The following ITPR2 variants were observed in gnomAD, a reference collection of about 807,000 sequenced individuals.
ITPR2 encodes inositol 1,4,5-trisphosphate receptor type 2.
In ITPR2, 207 loss-of-function variants were observed where a neutral mutation model predicts 317.1. The observed-to-expected ratio is 0.65, with a 90% CI of 0.58 to 0.73. The LOEUF (loss-of-function observed/expected upper bound fraction) is 0.73, where lower values mean the gene tolerates loss of function less well. Ranked by LOEUF, ITPR2 falls within the 30% of genes least tolerant of loss-of-function variation. The probability of loss-of-function intolerance (pLI) is 0.00; values close to 1 mark genes in which losing one functional copy is unlikely to be tolerated. For missense variants in ITPR2, 2,613 were observed against 3,284.0 expected (o/e 0.80, Z 4.99); for synonymous variants, 1,156 against 1,149.1 (o/e 1.01, Z -0.12).
At chr12:26,672,028 A>T (rs1202185407) in intron 13 of ITPR2, among the ~76,000 whole-genome samples, 2 of 152,108 alleles carry the variant, frequency 1.3e-5, no homozygotes, top group Non-Finnish European at 2.9e-5. Context: ...CACCCAATAC[A>T]GGAGCACCCA....
chr12:26,583,394 C>T (rs1262380065), intron 32 of ITPR2, among the ~76,000 whole-genome samples: 1 of 151,982 alleles, frequency 6.6e-6, no homozygotes, highest in East Asian at 1.9e-4. Context: ...ATTGTCATTT[C>T]ATATGTATTT....
chr12:26,678,031 A>C (rs1947953056), intron 13 of ITPR2, among the ~76,000 whole-genome samples: 1 of 152,178 alleles, frequency 6.6e-6, no homozygotes, highest in South Asian at 2.1e-4. Flanking sequence ...AGCACTACAT[A>C]TAGCCATGCT....
chr12:26,689,241 A>G (rs1427808702), intron 10 of ITPR2, among the ~76,000 whole-genome samples: 1 of 151,996 alleles, frequency 6.6e-6, no homozygotes. Context: ...ACATGGCGAA[A>G]CCCCATCTCT....
intron 9 of ITPR2, 82 bp downstream of exon 9, chr12:26,711,091 A>G: frequency 1.2e-6 from 1 of 842,646 alleles, no homozygotes; most frequent in Non-Finnish European, 2.0e-6. Flanking sequence ...TCCTGCAAAT[A>G]CGATGTCTTG....
chr12:26,453,375 T>C (rs1231330187), intron 45 of ITPR2, among the ~76,000 whole-genome samples: 6 of 152,230 alleles, frequency 3.9e-5, no homozygotes, highest in African/African-American at 1.2e-4. Context: ...TATTCTAAAG[T>C]AATCATTATT....
chr12:26,811,771 G>A (rs566155270), intron 1 of ITPR2, among the ~76,000 whole-genome samples: 14 of 145,716 alleles, frequency 9.6e-5, no homozygotes, highest in East Asian at 2.0e-4. Context: ...GGAGAATGGC[G>A]CGAACCCCGG....
At chr12:26,567,980 A>ATATAT (rs1945032451) in intron 34 of ITPR2, among the ~76,000 whole-genome samples, 1 of 7,596 alleles carries the variant, frequency 1.3e-4, no homozygotes, top group African/African-American at 2.9e-4. Flanking sequence ...TATATATATT[A>ATATAT]TATATATATA....
chr12:26,634,136 C>T (rs547245860), intron 21 of ITPR2, among the ~76,000 whole-genome samples: 150 of 152,316 alleles, frequency 9.8e-4, no homozygotes, highest in African/African-American at 3.4e-3. Flanking sequence ...CTTGACATTT[C>T]CATGTATGGC....
At chr12:26,817,180 CAAAAAAAAAAAAAA>C (rs11422176) in intron 1 of ITPR2, among the ~76,000 whole-genome samples, 1 of 57,672 alleles carries the variant, frequency 1.7e-5, no homozygotes, top group Non-Finnish European at 3.1e-5. Flanking sequence ...GAGTCTCTTT[CAAAAAAAAAAAAAA>C]AAAAAAAAGG....
intron 49 of ITPR2, among the ~76,000 whole-genome samples, chr12:26,426,633 AG>A (rs1402189334): frequency 6.6e-6 from 1 of 152,092 alleles, no homozygotes; most frequent in Non-Finnish European, 1.5e-5. Flanking sequence ...ACAATGATTG[AG>A]GATAATTGGT....
At chr12:26,403,696 A>C (rs1305172662) in intron 52 of ITPR2, among the ~76,000 whole-genome samples, 1 of 152,230 alleles carries the variant, frequency 6.6e-6, no homozygotes, top group Non-Finnish European at 1.5e-5. Context: ...AACTGTACAG[A>C]GATAGAGGGG....
chr12:26,674,388 A>G (rs1172703591), intron 13 of ITPR2, among the ~76,000 whole-genome samples: 1 of 152,138 alleles, frequency 6.6e-6, no homozygotes, highest in East Asian at 1.9e-4. Context: ...CAGAAATAAC[A>G]CCGCATATCT....
At chr12:26,456,459 T>C (rs1941887907) in intron 45 of ITPR2, among the ~76,000 whole-genome samples, 1 of 152,202 alleles carries the variant, frequency 6.6e-6, no homozygotes, top group Admixed American at 6.5e-5. Context: ...TCACAAATAA[T>C]CCACCCTTTG....
At chr12:26,650,865 T>C (rs1947235007) in intron 21 of ITPR2, among the ~76,000 whole-genome samples, 1 of 152,248 alleles carries the variant, frequency 6.6e-6, no homozygotes. Flanking sequence ...TGCTCTTTGA[T>C]TAACAACTAC....
At chr12:26,497,208 C>CAGTGG (rs1942955306) in intron 37 of ITPR2, among the ~76,000 whole-genome samples, 1 of 146,066 alleles carries the variant, frequency 6.8e-6, no homozygotes, top group African/African-American at 2.6e-5. Context: ...GGCTGGAGTG[C>CAGTGG]AGTGGCACAA....
In ITPR2 at chr12:26,655,193, CCTTT is replaced by C. The variant is rs369017425; in HGVS notation, c.2589+511_2589+514del. On this transcript the variant is annotated intron_variant, in intron 20 of 56. Coordinates refer to ENST00000381340, the MANE Select transcript of ITPR2 (RefSeq NM_002223.4). ...ACATTTTACAAAATATGCAAAACTG[CCTTT>C]CTTTATTACATGCAAAAAATCTTAC... Among the ~76,000 whole-genome samples, 759 of 152,200 alleles carry C rather than the reference CCTTT, an allele frequency of 5.0e-3. 8 individuals are homozygous for C. Among genetic ancestry groups the C allele is most frequent in the African/African-American group, 0.018 (731 of 41,522 alleles).
chr12:26,552,483 A>G (rs950307813), intron 36 of ITPR2, among the ~76,000 whole-genome samples: 1 of 152,214 alleles, frequency 6.6e-6, no homozygotes, highest in Non-Finnish European at 1.5e-5. Context: ...CACCCAGCTC[A>G]ATGGTGACAG....
rs535391845 is a variant in ITPR2, at chr12:26,543,218, G to A, written c.5073+7029C>T. 2.5e-4 allele frequency among the ~76,000 whole-genome samples: 38 copies of A among 152,156 alleles called. No homozygotes were observed. The South Asian group carries it at 4.2e-3, about 17-fold the overall frequency. The stretch of plus-strand genomic sequence containing the variant: ...ATCAGCCCACCTCTATCCAATCCAC[G>A]TAAGCTCTTTCTGTCTCCATTAGCA... On this transcript the variant is annotated intron_variant, in intron 37 of 56. Transcript: ENST00000381340.
rs559689608 is a variant in ITPR2 at position 26,701,309 on chromosome 12, CT to C, written c.952-5660del. Reference sequence around the variant, plus strand: ...TTATTTTCTTAAAAGAGAAGCTTTACTTTTTTTTACAATGAAATGTGTTTTG... The same window carrying C: ...TTATTTTCTTAAAAGAGAAGCTTTACTTTTTTTACAATGAAATGTGTTTTG... On this transcript the variant is annotated intron_variant, in intron 9 of 56. Transcript: ENST00000381340. Among the ~76,000 whole-genome samples the C allele has an allele frequency of 6.6e-5, 10 of 152,046 alleles. No homozygotes were observed. The East Asian group carries it at 9.6e-4, about 15-fold the overall frequency.
Sources: allele counts gnomAD v4.1 joint callset (sites outside exome capture counted in the v4.1 genomes callset), GRCh38; gene constraint gnomAD v4.1.1; transcripts MANE v1.5; gene names NCBI Gene and HGNC (gene_info 2026-07-23, HGNC 2026-07-21).